The following TSPAN5 variants were observed in gnomAD, a reference collection of about 807,000 sequenced individuals.
TSPAN5 encodes the protein tetraspanin 5.
TSPAN5 carries 10 observed loss-of-function variants against 37.1 expected under a neutral mutation model. The observed-to-expected ratio is 0.27, with a 90% CI of 0.17 to 0.46. The LOEUF is 0.46. TSPAN5 is among the 20% of genes least tolerant of loss of function. The pLI is 1.00. For missense variants in TSPAN5, 195 were observed against 326.6 expected (o/e 0.60, Z 3.11); for synonymous variants, 110 against 118.9 (o/e 0.93, Z 0.48).
intron 1 of TSPAN5, among the ~76,000 whole-genome samples, chr4:98,622,103 A>G (rs1756495260): frequency 6.6e-6 from 1 of 152,144 alleles, no homozygotes; most frequent in African/African-American, 2.4e-5. Flanking sequence ...TTTTTGAGAC[A>G]GAGTCTCACT....
intron 1 of TSPAN5, among the ~76,000 whole-genome samples, chr4:98,526,641 A>T (rs1460347056): frequency 6.6e-6 from 1 of 152,036 alleles, no homozygotes; most frequent in Non-Finnish European, 1.5e-5. Context: ...CTGAGAAAAA[A>T]TAAGTTCAGA....
chr4:98,643,271 G>A (rs1756995575), intron 1 of TSPAN5, among the ~76,000 whole-genome samples: 1 of 152,128 alleles, frequency 6.6e-6, no homozygotes, highest in Non-Finnish European at 1.5e-5. Context: ...AGGAGCAACA[G>A]GTTATGCCAT....
At chr4:98,480,245 C>G (rs1394021035) in intron 4 of TSPAN5, among the ~76,000 whole-genome samples, 2 of 152,104 alleles carry the variant, frequency 1.3e-5, no homozygotes, top group African/African-American at 4.8e-5. Flanking sequence ...CTGTATACAT[C>G]ACAAAAATGT....
intron 1 of TSPAN5, among the ~76,000 whole-genome samples, chr4:98,523,852 A>G (rs1368080811): frequency 1.3e-5 from 2 of 152,230 alleles, no homozygotes; most frequent in Non-Finnish European, 2.9e-5. Flanking sequence ...ACCTCTGATG[A>G]CAAACCTTGG....
chr4:98,513,777 C>T lies in TSPAN5; in HGVS notation c.82-6049G>A, dbSNP rs539281034. Among the ~76,000 whole-genome samples, 39 of 151,798 alleles carry T rather than the reference C, an allele frequency of 2.6e-4. No individual in the cohort carries two copies. The East Asian group carries it at 3.3e-3, about 13-fold the overall frequency. ...TCTGAATTCTCTTTGAAATAAATTT[C>T]GGTTTGTATACTTTTAAAAAATAAA... On this transcript the variant is annotated intron_variant, in intron 1 of 7. Coordinates refer to ENST00000305798, the MANE Select transcript of TSPAN5 (RefSeq NM_005723.4).
At chr4:98,626,427 A>G (rs1756604000) in intron 1 of TSPAN5, among the ~76,000 whole-genome samples, 1 of 152,168 alleles carries the variant, frequency 6.6e-6, no homozygotes, top group South Asian at 2.1e-4. Context: ...AAGTCAGATC[A>G]TGTAACTTCT....
At chr4:98,535,665 A>T (rs912571383) in intron 1 of TSPAN5, among the ~76,000 whole-genome samples, 5 of 152,190 alleles carry the variant, frequency 3.3e-5, no homozygotes. Context: ...ACTTTCAGGT[A>T]CACCAATCAA....
At chr4:98,656,955 T>C (rs907921554) in intron 1 of TSPAN5, among the ~76,000 whole-genome samples, 6 of 152,222 alleles carry the variant, frequency 3.9e-5, no homozygotes, top group African/African-American at 1.4e-4. Context: ...TTCAGACTGC[T>C]GTGGATAATT....
intron 1 of TSPAN5, among the ~76,000 whole-genome samples, chr4:98,508,835 C>T (rs761048776): frequency 2.6e-5 from 4 of 152,110 alleles, no homozygotes; most frequent in Admixed American, 1.3e-4. Flanking sequence ...TAGGGCTTTC[C>T]ATTTTAATTA....
chr4:98,471,766 A>T lies in TSPAN5; in HGVS notation c.*756T>A, dbSNP rs1201111242. 1.3e-5 allele frequency: 2 copies of T among 152,336 alleles called. No homozygotes were observed. The highest frequency in any genetic ancestry group is 2.1e-4 in the South Asian group (1 of 4,828). The allele number at this position is 152,336 out of a possible 1,614,324, so 9.4% of individuals were successfully genotyped here. ...GATATTTAACTGATACCTCTTCATT[A>T]ACCTCATTTTCTCCTTGAATTTCAC... On this transcript the variant is annotated 3_prime_UTR_variant, in exon 8 of 8. Coordinates refer to ENST00000305798, the MANE Select transcript of TSPAN5 (RefSeq NM_005723.4).
At chr4:98,520,154 T>G (rs1753822749) in intron 1 of TSPAN5, among the ~76,000 whole-genome samples, 1 of 151,788 alleles carries the variant, frequency 6.6e-6, no homozygotes, top group South Asian at 2.1e-4. Context: ...AAGGGGAGAT[T>G]CAGAAGAATT....
At chr4:98,590,674 C>T (rs2110207123) in intron 1 of TSPAN5, among the ~76,000 whole-genome samples, 1 of 150,304 alleles carries the variant, frequency 6.7e-6, no homozygotes, top group African/African-American at 2.5e-5. Flanking sequence ...TGCATCACTG[C>T]ACTCCAGCCT....
At chr4:98,540,354 T>G (rs1450483223) in intron 1 of TSPAN5, among the ~76,000 whole-genome samples, 4 of 152,230 alleles carry the variant, frequency 2.6e-5, no homozygotes, top group Admixed American at 2.6e-4. Flanking sequence ...TTTTTTTTTT[T>G]GAGATGGAGT....
At chr4:98,541,112 C>G (rs1478791340) in intron 1 of TSPAN5, among the ~76,000 whole-genome samples, 2 of 152,110 alleles carry the variant, frequency 1.3e-5, no homozygotes, top group African/African-American at 2.4e-5. Context: ...GTGACAAAAC[C>G]ATCTACCTTG....
chr4:98,650,133 G>C (rs1057139367), intron 1 of TSPAN5, among the ~76,000 whole-genome samples: 2 of 152,220 alleles, frequency 1.3e-5, no homozygotes, highest in Non-Finnish European at 2.9e-5. Context: ...AGAATGTTTA[G>C]GAATGACATA....
chr4:98,500,121 C>T (rs1371105841), intron 2 of TSPAN5: 1 of 152,150 alleles, frequency 6.6e-6, no homozygotes, highest in Non-Finnish European at 1.5e-5. Flanking sequence ...GTTAAGAAAT[C>T]TATTTTTTTC....
At chr4:98,496,352 C>T (rs925565841) in intron 2 of TSPAN5, 2 of 152,218 alleles carry the variant, frequency 1.3e-5, no homozygotes, top group African/African-American at 4.8e-5. Flanking sequence ...GAAAGCCTGT[C>T]AGGCCCTGAA....
chr4:98,584,841 C>G (rs1342151705), intron 1 of TSPAN5, among the ~76,000 whole-genome samples: 1 of 152,192 alleles, frequency 6.6e-6, no homozygotes, highest in Non-Finnish European at 1.5e-5. Flanking sequence ...TGAGAAGGCA[C>G]AATTTATCCT....
At chr4:98,577,687 T>A (rs1268673546) in intron 1 of TSPAN5, among the ~76,000 whole-genome samples, 1 of 152,226 alleles carries the variant, frequency 6.6e-6, no homozygotes, top group Non-Finnish European at 1.5e-5. Flanking sequence ...AGAAGCAATG[T>A]CACATGGCCT....
Sources: gnomAD v4.1 joint callset for allele counts (sites outside exome capture counted in the v4.1 genomes callset) on GRCh38, gnomAD v4.1.1 for gene constraint, MANE v1.5 for transcripts, NCBI Gene and HGNC (gene_info 2026-07-23, HGNC 2026-07-21) for gene names.